PROM1: variants seen among roughly 807,000 people sequenced by gnomAD.
PROM1 encodes prominin 1.
Under a neutral mutation model 116.9 loss-of-function variants are expected in PROM1, and 105 were observed. That is an observed-to-expected ratio of 0.90 (90% CI 0.77 to 1.06). The LOEUF is 1.06. Among genes scored for constraint, PROM1 ranks in the 50% least tolerant of loss-of-function variants. The pLI is 0.00. For missense variants in PROM1, 1,122 were observed against 1,045.2 expected (o/e 1.07, Z -1.01); for synonymous variants, 393 against 387.0 (o/e 1.02, Z -0.18).
At chr4:16,056,160 G>T (rs889900799) in intron 2 of PROM1, among the ~76,000 whole-genome samples, 1 of 152,176 alleles carries the variant, frequency 6.6e-6, no homozygotes, top group African/African-American at 2.4e-5. Flanking sequence ...TCATTTAAGA[G>T]AGTCCAGCTG....
intron 2 of PROM1, among the ~76,000 whole-genome samples, chr4:16,039,583 C>T (rs1158916336): frequency 6.6e-6 from 1 of 151,958 alleles, no homozygotes; most frequent in Non-Finnish European, 1.5e-5. Context: ...ACTAAAAATA[C>T]AAAAATTAGC....
chr4:16,052,734 G>A (rs1472180927), intron 2 of PROM1, among the ~76,000 whole-genome samples: 1 of 152,196 alleles, frequency 6.6e-6, no homozygotes, highest in Non-Finnish European at 1.5e-5. Context: ...GCCTACTTCA[G>A]CTTCCCAAAG....
chr4:16,023,571 T>C (rs1022076869), intron 7 of PROM1, among the ~76,000 whole-genome samples, 156 bp from the exon 8 acceptor site: 1 of 152,162 alleles, frequency 6.6e-6, no homozygotes, highest in East Asian at 1.9e-4. Context: ...TGGAGATTTC[T>C]CTTCAGGGTC....
At position 15,979,973 on chromosome 4, in the gene PROM1, C is replaced by T. The variant is rs372948866; in HGVS notation, c.2490-69G>A. 15 of 934,882 alleles carry T rather than the reference C, an allele frequency of 1.6e-5. 1 individual carries two copies. The South Asian group carries it at 1.9e-4, about 12-fold the overall frequency. 57.9% of individuals were successfully genotyped at this position (934,882 alleles called of 1,614,324 possible). A position where few individuals can be genotyped will look rare whatever the true frequency, so the allele number is the denominator to read the frequency against. On this transcript the variant is annotated intron_variant, in intron 24 of 27. Transcript: ENST00000447510. Reference sequence around the variant, plus strand: ...ATTATGAAAGCTCAGCAACTACATCCCCCAAATATTTACTCTAACACGGAT... The same window carrying T: ...ATTATGAAAGCTCAGCAACTACATCTCCCAAATATTTACTCTAACACGGAT...
chr4:16,075,668 C>G lies in PROM1; in HGVS notation c.220+19G>C. 4 of 1,594,914 alleles carry G rather than the reference C, an allele frequency of 2.5e-6. No homozygotes were observed. Among genetic ancestry groups the G allele is most frequent in the Non-Finnish European group, 3.4e-6 (4 of 1,167,188 alleles). On this transcript the variant is annotated intron_variant, in intron 2 of 27. Coordinates refer to ENST00000447510, the MANE Select transcript of PROM1 (RefSeq NM_006017.3). ...GCGTTTGGAGATAAATCCTATCTTT[C>G]CCTGCCATCAGCACTTACCTTCTGG... is the stretch of plus-strand genomic sequence containing the variant.
chr4:16,074,685 A>G (rs1743564625), intron 2 of PROM1, among the ~76,000 whole-genome samples: 1 of 152,240 alleles, frequency 6.6e-6, no homozygotes, highest in Non-Finnish European at 1.5e-5. Context: ...TAAGACAAAT[A>G]AGTGTTAAAA....
At chr4:15,998,348 T>C (rs745536642) in intron 15 of PROM1, 37 bp downstream of exon 15, 6 of 1,527,304 alleles carry the variant, frequency 3.9e-6, no homozygotes, top group East Asian at 2.4e-5. Flanking sequence ...AAAAAGAACA[T>C]CTTAAATAGC....
intron 15 of PROM1, among the ~76,000 whole-genome samples, chr4:15,995,331 CGAAGAA>C (rs1722047709): frequency 2.8e-5 from 2 of 72,146 alleles, no homozygotes; most frequent in African/African-American, 9.2e-5. Context: ...AAGAAGAAGA[CGAAGAA>C]GACGAAGAAG....
intron 26 of PROM1, chr4:15,972,046 C>T (rs888914419): frequency 2.0e-5 from 3 of 152,228 alleles, no homozygotes; most frequent in African/African-American, 4.8e-5. Flanking sequence ...GGACTGTAGG[C>T]TCTGGCAATC....
chr4:16,044,996 G>A (rs924645477), intron 2 of PROM1, among the ~76,000 whole-genome samples: 17 of 152,136 alleles, frequency 1.1e-4, no homozygotes, highest in Non-Finnish European at 2.2e-4. Flanking sequence ...ACAGTGCCTG[G>A]TATATAATAT....
At chr4:16,047,914 C>A (rs1008559759) in intron 2 of PROM1, among the ~76,000 whole-genome samples, 1 of 152,124 alleles carries the variant, frequency 6.6e-6, no homozygotes, top group Non-Finnish European at 1.5e-5. Flanking sequence ...ATCTTGAATG[C>A]GGATCCTTAA....
chr4:16,067,983 T>G (rs1320321199), intron 2 of PROM1, among the ~76,000 whole-genome samples: 1 of 152,156 alleles, frequency 6.6e-6, no homozygotes, highest in Non-Finnish European at 1.5e-5. Flanking sequence ...GAAGCTGGCC[T>G]GAAACCTATG....
rs78835246 is a variant in PROM1 at position 16,021,813 on chromosome 4, A to T, written c.784+1513T>A. 2.0e-5 allele frequency among the ~76,000 whole-genome samples: 3 copies of T among 152,248 alleles called. No homozygotes were observed. The East Asian group carries it at 5.8e-4, about 29-fold the overall frequency. On this transcript the variant is annotated intron_variant, in intron 8 of 27. Transcript: ENST00000447510. ...GGGCTCTTGCTAGAACGGGGTCTGA[A>T]TCCCAACTCCACCACTTCCCCCAGC...
intron 14 of PROM1, 77 bp from the exon 15 acceptor site, chr4:15,998,565 C>T: frequency 7.6e-7 from 1 of 1,319,474 alleles, no homozygotes; most frequent in Non-Finnish European, 9.8e-7. Context: ...AATTAATATT[C>T]TGTTGAATGT....
At position 16,046,767 on chromosome 4, in the gene PROM1, G is replaced by A. The variant is rs780003215; in HGVS notation, c.221-7766C>T. On this transcript the variant is annotated intron_variant, in intron 2 of 27. Coordinates refer to ENST00000447510, the MANE Select transcript of PROM1 (RefSeq NM_006017.3). The stretch of plus-strand genomic sequence containing the variant: ...GACAAGAATGACCCCATCGACTCAC[G>A]GAATCACACTGTCTACACAGAGTGG... 3.2e-4 allele frequency among the ~76,000 whole-genome samples: 49 copies of A among 152,136 alleles called. 1 individual carries two copies. Among genetic ancestry groups the A allele is most frequent in the Admixed American group, 1.2e-3 (19 of 15,274 alleles).
At chr4:16,006,732 A>T in intron 12 of PROM1, 42 bp from the exon 13 acceptor site, 1 of 1,593,570 alleles carries the variant, frequency 6.3e-7, no homozygotes. Flanking sequence ...GACACAGGTG[A>T]CGCCACCCTA....
At chr4:16,070,211 A>C (rs1412509863) in intron 2 of PROM1, among the ~76,000 whole-genome samples, 1 of 152,208 alleles carries the variant, frequency 6.6e-6, no homozygotes, top group Non-Finnish European at 1.5e-5. Context: ...GAGGCTGACC[A>C]AAACTTTAGG....
chr4:16,061,656 A>C (rs1056494628), intron 2 of PROM1, among the ~76,000 whole-genome samples: 1 of 152,086 alleles, frequency 6.6e-6, no homozygotes, highest in African/African-American at 2.4e-5. Flanking sequence ...TATGGGGTGA[A>C]TTAGTTTTCT....
chr4:16,025,717 A>ATG (rs1050047184), intron 5 of PROM1, among the ~76,000 whole-genome samples: 18 of 115,444 alleles, frequency 1.6e-4, no homozygotes, highest in African/African-American at 5.9e-4. Context: ...ACACACACAC[A>ATG]CGCACACACA....
Sources: gnomAD v4.1 joint callset for allele counts (sites outside exome capture counted in the v4.1 genomes callset) on GRCh38, gnomAD v4.1.1 for gene constraint, MANE v1.5 for transcripts, NCBI Gene and HGNC (gene_info 2026-07-23, HGNC 2026-07-21) for gene names.